Variants in SCN2A observed in about 807,000 individuals in gnomAD.
SCN2A encodes sodium channel protein type 2 subunit alpha.
SCN2A carries 20 observed loss-of-function variants against 188.7 expected under a neutral mutation model. The ratio of observed to expected loss-of-function variants is 0.11; its 90% CI spans 0.07 to 0.15. SCN2A has a LOEUF of 0.15. Ranked by LOEUF, SCN2A falls within the 10% of genes least tolerant of loss-of-function variation. The pLI is 1.00. For missense variants in SCN2A, 1,278 were observed against 2,445.0 expected, an observed-to-expected ratio of 0.52 and a Z score of 10.07; for synonymous variants, 804 against 833.1, an observed-to-expected ratio of 0.97 and a Z score of 0.60.
chr2:165,310,289 A>G (rs751260258), intron 6 of SCN2A, 34 bp from the exon 7 acceptor site: 25 of 1,611,368 alleles, frequency 1.6e-5, no homozygotes, highest in Non-Finnish European at 2.1e-5. Context: ...GTTGAGTAGT[A>G]TATTTAAATT....
chr2:165,364,407 T>C (rs955100953), intron 17 of SCN2A, among the ~76,000 whole-genome samples: 1 of 152,210 alleles, frequency 6.6e-6, no homozygotes, highest in Non-Finnish European at 1.5e-5. Context: ...ATTTTTCTTT[T>C]GGTGATATTT....
chr2:165,295,213 T>C (rs1696442718), intron 1 of SCN2A, among the ~76,000 whole-genome samples: 1 of 152,180 alleles, frequency 6.6e-6, no homozygotes, highest in Non-Finnish European at 1.5e-5. Flanking sequence ...CTACCTATGT[T>C]TCCATAGCCT....
At chr2:165,291,127 C>T (rs539615949) in intron 1 of SCN2A, among the ~76,000 whole-genome samples, 6 of 145,122 alleles carry the variant, frequency 4.1e-5, no homozygotes, top group Admixed American at 1.4e-4. Flanking sequence ...CTGCAAACTC[C>T]GTCTCCTGGG....
chr2:165,247,701 C>T (rs1420001903), intron 1 of SCN2A, among the ~76,000 whole-genome samples: 1 of 152,134 alleles, frequency 6.6e-6, no homozygotes, highest in Non-Finnish European at 1.5e-5. Context: ...TCTTTATCTA[C>T]TTTCTTTTGA....
In SCN2A at chr2:165,388,981, T is replaced by C. The variant is rs1428775007; in HGVS notation, c.5175T>C (p.Asn1725=). The C allele has an allele frequency of 3.7e-6, 6 of 1,613,966 alleles. No homozygotes were observed. The highest frequency in any genetic ancestry group is 5.1e-6 in the Non-Finnish European group (6 of 1,180,002). ...GWDGLLAPIL[N]SGPPDCDPDK... is the part of the protein sequence containing the mutation. The stretch of plus-strand genomic sequence containing the variant: ...ATGGATTGCTAGCACCTATTCTTAA[T>C]AGTGGACCTCCAGACTGTGACCCTG... Residue 1725 remains asparagine, a synonymous_variant, in exon 27 of 27, where the codon AAT becomes AAC. Coordinates refer to ENST00000375437, the MANE Select transcript of SCN2A (RefSeq NM_001040142.2).
At chr2:165,373,097 C>G in intron 20 of SCN2A, 128 bp from the exon 21 acceptor site, 1 of 1,020,276 alleles carries the variant, frequency 9.8e-7, no homozygotes, top group African/African-American at 1.6e-5. Context: ...GTGTTTTTAA[C>G]AAGACCCCTG....
intron 7 of SCN2A, 84 bp from the exon 8 acceptor site, chr2:165,311,941 T>C (rs1404969080): frequency 2.4e-6 from 2 of 846,950 alleles, no homozygotes; most frequent in African/African-American, 3.3e-5. Flanking sequence ...TTGAAAACAT[T>C]TGTGAGCTTT....
chr2:165,307,844 C>T lies in SCN2A; in HGVS notation c.387-4C>T, dbSNP rs1697219994. 1 of 1,597,100 alleles carries T rather than the reference C, an allele frequency of 6.3e-7. No individual in the cohort carries two copies. The highest frequency in any genetic ancestry group is 1.3e-5 in the African/African-American group (1 of 74,638). ...GAACTTTGTCTTCCTTGACGATATTCTACTTTATTCAATATGCTCATTATG... is the reference window on the plus strand; with the variant it reads ...GAACTTTGTCTTCCTTGACGATATTTTACTTTATTCAATATGCTCATTATG... On this transcript the variant is annotated splice_polypyrimidine_tract_variant and splice_region_variant and intron_variant, in intron 3 of 26. Transcript: ENST00000375437.
chr2:165,389,239 G>C lies in SCN2A; in HGVS notation c.5433G>C (p.Gln1811His), dbSNP rs143238782. 6.2e-7 allele frequency: 1 copy of C among 1,613,906 alleles called. No homozygotes were observed. Among genetic ancestry groups the C allele is most frequent in the African/African-American group, 1.3e-5 (1 of 74,892 alleles). The change falls in exon 27 of 27, where the codon CAG becomes CAC. Residue 1811 changes from glutamine (Q) to histidine (H), a missense_variant. By Grantham distance (24) the Gln-to-His change is conservative. Transcript: ENST00000375437. This position sits in a 1 kb window ranked among gnomAD's most constrained non-coding sequence, Gnocchi z 4.2. ...AGAAGTTTGATCCCGATGCGACCCAGTTTATAGAGTTTGCCAAACTTTCTG... is the reference window on the plus strand; with the variant it reads ...AGAAGTTTGATCCCGATGCGACCCACTTTATAGAGTTTGCCAAACTTTCTG... The part of the protein sequence containing the change: ...VWEKFDPDAT[Q>H]FIEFAKLSDF...
intron 1 of SCN2A, among the ~76,000 whole-genome samples, chr2:165,243,461 G>C (rs1275242522): frequency 6.6e-6 from 1 of 152,034 alleles, no homozygotes; most frequent in East Asian, 1.9e-4. Context: ...AATTAGCTGG[G>C]TGTGGTGGCA....
intron 11 of SCN2A, among the ~76,000 whole-genome samples, chr2:165,316,295 C>T (rs559329320): frequency 3.3e-5 from 5 of 152,190 alleles, no homozygotes; most frequent in South Asian, 2.1e-4. Flanking sequence ...ATTTATGACA[C>T]GAAATAAAAA....
At chr2:165,257,524 T>TTTG (rs1009944239) in intron 1 of SCN2A, among the ~76,000 whole-genome samples, 1 of 151,924 alleles carries the variant, frequency 6.6e-6, no homozygotes, top group Non-Finnish European at 1.5e-5. Flanking sequence ...TGTTGTTGTT[T>TTTG]TTGTTGTTGT....
intron 17 of SCN2A, among the ~76,000 whole-genome samples, chr2:165,356,954 A>G (rs1700211724): frequency 6.6e-6 from 1 of 152,190 alleles, no homozygotes; most frequent in Non-Finnish European, 1.5e-5. Context: ...GAGGAAGAGA[A>G]CTGACCTGCC....
At chr2:165,272,282 G>C (rs1695138500) in intron 1 of SCN2A, 1 of 151,714 alleles carries the variant, frequency 6.6e-6, no homozygotes, top group Non-Finnish European at 1.5e-5. Context: ...TCATTTTATT[G>C]GGGAAAAAAA....
At chr2:165,277,885 A>G (rs1017244481) in intron 1 of SCN2A, among the ~76,000 whole-genome samples, 1 of 152,194 alleles carries the variant, frequency 6.6e-6, no homozygotes, top group Non-Finnish European at 1.5e-5. Context: ...CTTTTAATGA[A>G]TATCTACTTT....
chr2:165,342,255 A>G (rs1559375076), intron 14 of SCN2A, 41 bp from the exon 15 acceptor site: 3 of 1,540,904 alleles, frequency 1.9e-6, no homozygotes, highest in Non-Finnish European at 1.8e-6. Flanking sequence ...TTCGTGTTTC[A>G]AGAGTATTTG....
At chr2:165,252,133 A>T (rs1404255708) in intron 1 of SCN2A, among the ~76,000 whole-genome samples, 3 of 148,692 alleles carry the variant, frequency 2.0e-5, no homozygotes, top group African/African-American at 7.7e-5. Context: ...TCTAAGTACG[A>T]AAAAAAAATA....
intron 14 of SCN2A, among the ~76,000 whole-genome samples, chr2:165,335,309 GA>G (rs1170168152): frequency 1.3e-5 from 2 of 150,984 alleles, no homozygotes; most frequent in Non-Finnish European, 3.0e-5. Flanking sequence ...ATCTTAACTA[GA>G]AAAAAAATAA....
chr2:165,250,684 TTATC>T (rs1310599707), intron 1 of SCN2A, among the ~76,000 whole-genome samples: 3 of 152,024 alleles, frequency 2.0e-5, no homozygotes, highest in Non-Finnish European at 4.4e-5. Context: ...CACATCATTA[TTATC>T]TATCTATCGT....
Sources: gnomAD v4.1 joint callset for allele counts (sites outside exome capture counted in the v4.1 genomes callset) on GRCh38, gnomAD v4.1.1 for gene constraint, Gnocchi (gnomAD v3.1) non-coding constraint, MANE v1.5 for transcripts, NCBI Gene and HGNC (gene_info 2026-07-23, HGNC 2026-07-21) for gene names.